Variants in SPOCK3 observed in about 807,000 individuals in gnomAD.
SPOCK3 encodes the protein testican-3.
In SPOCK3, 30 loss-of-function variants were observed where a neutral mutation model predicts 56.6. The observed-to-expected ratio is 0.53, with a 90% confidence interval of 0.40 to 0.72. The LOEUF is 0.72. Among genes scored for constraint, SPOCK3 ranks in the 30% least tolerant of loss-of-function variants. The pLI, the probability that SPOCK3 is intolerant of heterozygous loss-of-function variation, is 0.00. For synonymous variants in SPOCK3, 196 were observed against 183.3 expected (o/e 1.07, Z -0.56); for missense variants, 527 against 530.0 (o/e 0.99, Z 0.06).
chr4:166,975,141 C>T (rs1459321601), intron 4 of SPOCK3, among the ~76,000 whole-genome samples: 3 of 152,114 alleles, frequency 2.0e-5, no homozygotes, highest in African/African-American at 7.2e-5. Flanking sequence ...CCAGATGTAG[C>T]TGCCTGATGT....
At chr4:167,106,661 ATGAAT>A (rs1760180499) in intron 2 of SPOCK3, among the ~76,000 whole-genome samples, 1 of 151,692 alleles carries the variant, frequency 6.6e-6, no homozygotes, top group African/African-American at 2.4e-5. Flanking sequence ...AGCAGAAAAA[ATGAAT>A]TGAAATAAAG....
At chr4:167,154,185 C>T (rs1426232519) in intron 2 of SPOCK3, among the ~76,000 whole-genome samples, 1 of 151,982 alleles carries the variant, frequency 6.6e-6, no homozygotes, top group African/African-American at 2.4e-5. Flanking sequence ...CGTAAGTGAT[C>T]CTTGTCACAC....
At chr4:166,776,026 A>G (rs983655367) in intron 7 of SPOCK3, among the ~76,000 whole-genome samples, 14 of 152,166 alleles carry the variant, frequency 9.2e-5, no homozygotes, top group Non-Finnish European at 1.9e-4. Flanking sequence ...ATGAGGTAAA[A>G]TTTGAAAATC....
intron 5 of SPOCK3, among the ~76,000 whole-genome samples, chr4:166,907,095 G>C (rs889034827): frequency 1.3e-5 from 2 of 152,018 alleles, no homozygotes; most frequent in South Asian, 2.1e-4. Context: ...TATATATGAG[G>C]TTATGAAAGT....
chr4:167,048,358 CA>C (rs1457567966), intron 3 of SPOCK3, among the ~76,000 whole-genome samples: 1 of 151,010 alleles, frequency 6.6e-6, no homozygotes, highest in Non-Finnish European at 1.5e-5. Flanking sequence ...TGATGTATTT[CA>C]AAAGTGAAAG....
At chr4:166,811,024 A>C (rs1743709708) in intron 6 of SPOCK3, among the ~76,000 whole-genome samples, 1 of 151,864 alleles carries the variant, frequency 6.6e-6, no homozygotes. Context: ...TCATATTCAA[A>C]TGTATTGACC....
At chr4:167,183,702 G>A (rs11737761) in intron 2 of SPOCK3, among the ~76,000 whole-genome samples, 27,896 of 151,978 alleles carry the variant, frequency 0.18, 2,796 homozygotes, top group Admixed American at 0.26. Flanking sequence ...ACAAATTCCC[G>A]GAATAATAAA....
At chr4:166,990,236 T>A (rs1747625328) in intron 4 of SPOCK3, among the ~76,000 whole-genome samples, 2 of 152,142 alleles carry the variant, frequency 1.3e-5, no homozygotes, top group Admixed American at 6.6e-5. Flanking sequence ...AATTACATAT[T>A]CAAAATCACA....
Position 166,821,305 on chromosome 4 carries a change from G to A in SPOCK3, c.590-29016C>T, listed in dbSNP as rs559169784. The stretch of plus-strand genomic sequence containing the variant: ...TACAATTTGTTACGGAGCATACAAA[G>A]TGTTGTCACAACTGGAACTCTCATA... On this transcript the variant is annotated intron_variant, in intron 6 of 10. Transcript: ENST00000357545. Among the ~76,000 whole-genome samples, 6 of 152,150 alleles carry A rather than the reference G, an allele frequency of 3.9e-5. No homozygotes were observed. The South Asian group carries it at 1.2e-3, about 32-fold the overall frequency.
chr4:166,874,032 T>C (rs1732793543), intron 6 of SPOCK3, among the ~76,000 whole-genome samples: 1 of 152,154 alleles, frequency 6.6e-6, no homozygotes, highest in Non-Finnish European at 1.5e-5. Flanking sequence ...GATGCATGTA[T>C]AGCAAATGAT....
At chr4:166,796,397 G>A (rs887901778) in intron 6 of SPOCK3, among the ~76,000 whole-genome samples, 1 of 152,180 alleles carries the variant, frequency 6.6e-6, no homozygotes, top group Admixed American at 6.5e-5. Flanking sequence ...ATCAGAGGCA[G>A]AGTCCGCATT....
chr4:167,150,735 G>T (rs904598002), intron 2 of SPOCK3, among the ~76,000 whole-genome samples: 1 of 152,122 alleles, frequency 6.6e-6, no homozygotes, highest in Admixed American at 6.5e-5. Flanking sequence ...GGCTGCAAGG[G>T]GTTATCTGAT....
intron 2 of SPOCK3, among the ~76,000 whole-genome samples, chr4:167,212,452 G>C (rs1734971055): frequency 6.6e-6 from 1 of 151,938 alleles, no homozygotes. Flanking sequence ...ATGTTGGCCA[G>C]GACTGGTCTT....
chr4:166,973,066 C>CT (rs1344426535), intron 4 of SPOCK3, among the ~76,000 whole-genome samples: 2 of 152,064 alleles, frequency 1.3e-5, no homozygotes, highest in Admixed American at 1.3e-4. Context: ...AAGGAAGGGA[C>CT]TTGGTGGGAG....
chr4:167,200,663 G>A (rs1026806192), intron 2 of SPOCK3, among the ~76,000 whole-genome samples: 3 of 151,940 alleles, frequency 2.0e-5, no homozygotes, highest in African/African-American at 7.2e-5. Context: ...TGCCTCCCCA[G>A]AGTTGCTGAT....
At chr4:166,891,856 C>G (rs1734823527) in intron 5 of SPOCK3, among the ~76,000 whole-genome samples, 1 of 151,830 alleles carries the variant, frequency 6.6e-6, no homozygotes, top group African/African-American at 2.4e-5. Context: ...CAGACAAAGC[C>G]AAAAGTCAAT....
intron 6 of SPOCK3, among the ~76,000 whole-genome samples, chr4:166,836,928 T>C (rs1165990394): frequency 1.3e-5 from 2 of 152,214 alleles, no homozygotes; most frequent in Non-Finnish European, 2.9e-5. Flanking sequence ...TTTCCATTCA[T>C]TAACTGGACC....
At chr4:167,069,286 G>C (rs1756445228) in intron 2 of SPOCK3, among the ~76,000 whole-genome samples, 1 of 151,988 alleles carries the variant, frequency 6.6e-6, no homozygotes, top group Non-Finnish European at 1.5e-5. Context: ...AAGCCACATA[G>C]AGAAGCCATT....
chr4:166,936,355 TG>T lies in SPOCK3; in HGVS notation c.351-23613del, dbSNP rs138735942. Among the ~76,000 whole-genome samples the T allele has an allele frequency of 2.7e-3, 416 of 152,258 alleles. 5 individuals carry two copies. Among genetic ancestry groups the T allele is most frequent in the East Asian group, 0.022 (116 of 5,188 alleles). ...GTTAAAATCCTATTAATTAGAAGTA[TG>T]TATACAATATTTGTTTTTCATCATT... On this transcript the variant is annotated intron_variant, in intron 4 of 10. Coordinates refer to ENST00000357545, the MANE Select transcript of SPOCK3 (RefSeq NM_001040159.2).
Sources: allele counts gnomAD v4.1 joint callset (sites outside exome capture counted in the v4.1 genomes callset), GRCh38; gene constraint gnomAD v4.1.1; transcripts MANE v1.5; gene names NCBI Gene and HGNC (gene_info 2026-07-23, HGNC 2026-07-21).